CRTAM: variants seen among roughly 807,000 people sequenced by gnomAD.
CRTAM encodes cytotoxic and regulatory T-cell molecule.
In CRTAM, 44 loss-of-function variants were observed where a neutral mutation model predicts 50.0. That is an observed-to-expected ratio of 0.88 (90% CI 0.69 to 1.13). The LOEUF (loss-of-function observed/expected upper bound fraction) is 1.13. Among genes scored for constraint, CRTAM ranks in the 50% most tolerant of loss-of-function variants. CRTAM has a pLI of 0.00. For missense variants in CRTAM, 448 were observed against 457.5 expected, an observed-to-expected ratio of 0.98 and a Z score of 0.19; for synonymous variants, 159 against 169.3, an observed-to-expected ratio of 0.94 and a Z score of 0.47.
At chr11:122,867,051 A>G (rs1335885942) in intron 7 of CRTAM, among the ~76,000 whole-genome samples, 1 of 152,206 alleles carries the variant, frequency 6.6e-6, no homozygotes, top group African/African-American at 2.4e-5. Flanking sequence ...CTACTTAACT[A>G]TATTTTGCTA....
chr11:122,842,841 G>A (rs1861815608), intron 1 of CRTAM, among the ~76,000 whole-genome samples: 1 of 152,150 alleles, frequency 6.6e-6, no homozygotes. Context: ...TCTAGAATGG[G>A]GCAGGTGGCA....
chr11:122,863,369 A>AAG (rs1862124697), intron 6 of CRTAM, among the ~76,000 whole-genome samples: 2 of 149,300 alleles, frequency 1.3e-5, no homozygotes, highest in African/African-American at 5.0e-5. Flanking sequence ...GAAAGAAAGA[A>AAG]AAAGAAAGAA....
intron 9 of CRTAM, 83 bp from the exon 10 acceptor site, chr11:122,871,186 T>C: frequency 3.1e-6 from 4 of 1,281,458 alleles, no homozygotes; most frequent in Non-Finnish European, 3.2e-6. Context: ...CCTAAAAATA[T>C]GATATCCAAT....
At chr11:122,848,878 T>C (rs76226910) in intron 1 of CRTAM, among the ~76,000 whole-genome samples, 1,926 of 152,336 alleles carry the variant, frequency 0.013, 20 homozygotes, top group Middle Eastern at 0.02. Flanking sequence ...ATTTATAATA[T>C]GAAGGAATAA....
chr11:122,851,563 C>A, intron 2 of CRTAM, 130 bp from the exon 3 acceptor site: 1 of 808,930 alleles, frequency 1.2e-6, no homozygotes, highest in Non-Finnish European at 2.0e-6. Context: ...GGAGATAGGA[C>A]AATGTCTGGA....
At chr11:122,853,877 C>G in intron 3 of CRTAM, 66 bp from the exon 4 acceptor site, 2 of 1,447,370 alleles carry the variant, frequency 1.4e-6, no homozygotes, top group Non-Finnish European at 1.9e-6. Context: ...GATTATTAGC[C>G]TCTGTGCTTT....
intron 1 of CRTAM, among the ~76,000 whole-genome samples, chr11:122,845,851 GT>G (rs376604399): frequency 6.6e-6 from 1 of 151,896 alleles, no homozygotes; most frequent in African/African-American, 2.4e-5. Context: ...GAGAATGACA[GT>G]TTTTTTTCTT....
chr11:122,868,186 A>ATG lies in CRTAM; in HGVS notation c.1051+88_1051+89insGT, dbSNP rs1491344363. 5.7e-3 allele frequency: 3,607 copies of ATG among 630,532 alleles called. 30 individuals carry two copies. Among genetic ancestry groups the ATG allele is most frequent in the Non-Finnish European group, 6.9e-3 (2,434 of 351,858 alleles). The allele number at this position is 630,532 out of a possible 1,614,324, so 39.1% of individuals were successfully genotyped here. A position where few individuals can be genotyped will look rare whatever the true frequency, so the allele number is the denominator to read the frequency against. ...TCTCCAGAGAGACAGAGACAACAGA[A>ATG]TATGTGTGTGTGTGTGTGTGTGTGT... On this transcript the variant is annotated intron_variant, in intron 9 of 9. Transcript: ENST00000227348.
In CRTAM at chr11:122,855,555, C is replaced by G. The variant is rs906858031; in HGVS notation, c.491-140C>G. On this transcript the variant is annotated intron_variant, in intron 4 of 9. Coordinates refer to ENST00000227348, the MANE Select transcript of CRTAM (RefSeq NM_019604.4). ...GTTTGCCTTTGTGACCAGAACCAAG[C>G]CTATACAAGGGAACTGGCTGAGGTT... The G allele has an allele frequency of 4.3e-5, 28 of 647,228 alleles. 1 individual carries two copies. The highest frequency in any genetic ancestry group is 5.3e-6 in the Non-Finnish European group (2 of 380,544). The allele number at this position is 647,228 out of a possible 1,614,324, so 40.1% of individuals were successfully genotyped here.
intron 1 of CRTAM, among the ~76,000 whole-genome samples, 186 bp downstream of exon 1, chr11:122,838,778 T>C (rs140565539): frequency 4.6e-5 from 7 of 152,190 alleles, no homozygotes; most frequent in African/African-American, 1.7e-4. Context: ...ATTTGATCTC[T>C]CGTTCAATGG....
At chr11:122,858,249 C>T (rs1358379193) in intron 5 of CRTAM, among the ~76,000 whole-genome samples, 1 of 151,864 alleles carries the variant, frequency 6.6e-6, no homozygotes, top group Non-Finnish European at 1.5e-5. Context: ...TTTCTTGAGA[C>T]GGTCTCACTC....
intron 2 of CRTAM, among the ~76,000 whole-genome samples, chr11:122,851,290 C>T (rs1009232417): frequency 6.6e-6 from 1 of 150,428 alleles, no homozygotes; most frequent in African/African-American, 2.4e-5. Context: ...AAAAGTTATG[C>T]TTTGAAAGCA....
chr11:122,868,870 A>C (rs1300526789), intron 9 of CRTAM, among the ~76,000 whole-genome samples: 2 of 152,060 alleles, frequency 1.3e-5, no homozygotes, highest in Non-Finnish European at 1.5e-5. Context: ...TTAGCCGGGC[A>C]TGGTGGCAGG....
chr11:122,854,169 G>A, intron 4 of CRTAM, 83 bp downstream of exon 4: 3 of 1,357,408 alleles, frequency 2.2e-6, no homozygotes, highest in Non-Finnish European at 3.1e-6. Context: ...CCCTCTAGTG[G>A]CAGACAATGC....
intron 1 of CRTAM, among the ~76,000 whole-genome samples, chr11:122,849,579 A>G (rs970028263): frequency 6.6e-6 from 1 of 152,094 alleles, no homozygotes; most frequent in African/African-American, 2.4e-5. Context: ...AAAACTAGCC[A>G]GGCTTGGTGG....
chr11:122,839,187 C>A (rs111275617), intron 1 of CRTAM, among the ~76,000 whole-genome samples: 4,866 of 152,272 alleles, frequency 0.032, 261 homozygotes, highest in African/African-American at 0.11. Context: ...CCACCTCAGC[C>A]TCCCAAAGTG....
intron 4 of CRTAM, 37 bp from the exon 5 acceptor site, chr11:122,855,658 C>T: frequency 2.5e-6 from 4 of 1,594,702 alleles, no homozygotes; most frequent in Non-Finnish European, 3.4e-6. Context: ...CATCCAGTAG[C>T]ATTAAATAGC....
chr11:122,855,823 A>G lies in CRTAM; in HGVS notation c.619A>G (p.Lys207Glu). 7 of 1,614,074 alleles carry G rather than the reference A, an allele frequency of 4.3e-6. No homozygotes were observed. Among genetic ancestry groups the G allele is most frequent in the Non-Finnish European group, 5.9e-6 (7 of 1,179,966 alleles). Residue 207 changes from lysine to glutamate, a missense_variant, in exon 5 of 10, where the codon AAA becomes GAA. Lys to Glu is a moderately conservative substitution (Grantham distance 56, BLOSUM62 1). Coordinates refer to ENST00000227348, the MANE Select transcript of CRTAM (RefSeq NM_019604.4). Reference protein sequence around the residue: ...IIRHRGLQGRKLVAPFRFEDL... With the variant: ...IIRHRGLQGRELVAPFRFEDL... ...CCGACACAGAGGCCTGCAAGGGAGA[A>G]AACTAGTAGCACCCTTCCGGTTTGA...
At chr11:122,867,343 T>G in intron 7 of CRTAM, 66 bp from the exon 8 acceptor site, 3 of 1,336,404 alleles carry the variant, frequency 2.2e-6, no homozygotes, top group Non-Finnish European at 1.0e-6. Context: ...TTGTTACATA[T>G]TCTCCAGTGG....
Sources: gnomAD v4.1 joint callset for allele counts (sites outside exome capture counted in the v4.1 genomes callset) on GRCh38, gnomAD v4.1.1 for gene constraint, MANE v1.5 for transcripts, NCBI Gene and HGNC (gene_info 2026-07-23, HGNC 2026-07-21) for gene names.